Variants in DSCAM observed in about 807,000 individuals in gnomAD.
The protein encoded by DSCAM is cell adhesion molecule DSCAM.
Under a neutral mutation model 217.7 loss-of-function variants are expected in DSCAM, and 47 were observed. The ratio of observed to expected loss-of-function variants is 0.22; its 90% CI spans 0.17 to 0.28. The LOEUF (loss-of-function observed/expected upper bound fraction) is 0.28, where lower values mean the gene tolerates loss of function less well. Among genes scored for constraint, DSCAM ranks in the 10% least tolerant of loss-of-function variants. The pLI, the probability that DSCAM is intolerant of heterozygous loss-of-function variation, is 1.00. For missense variants in DSCAM, 2,080 were observed against 2,618.3 expected (o/e 0.79, Z 4.49); for synonymous variants, 1,056 against 1,015.3 (o/e 1.04, Z -0.76).
intron 1 of DSCAM, among the ~76,000 whole-genome samples, chr21:40,840,394 A>C (rs1026261551): frequency 1.2e-4 from 18 of 152,092 alleles, no homozygotes. Context: ...GTGGGCGGGG[A>C]ACCTAAATGT....
intron 10 of DSCAM, among the ~76,000 whole-genome samples, chr21:40,291,648 G>A (rs181034635): frequency 6.6e-5 from 10 of 152,210 alleles, no homozygotes; most frequent in African/African-American, 1.7e-4. Context: ...GGTCTCCCTC[G>A]GAGGACAGGA....
intron 1 of DSCAM, among the ~76,000 whole-genome samples, chr21:40,731,728 ACC>A (rs148482159): frequency 0.032 from 2,547 of 79,556 alleles, 17 homozygotes; most frequent in African/African-American, 0.088. Flanking sequence ...TTCCCACTGC[ACC>A]CCCCCCCCCG....
intron 3 of DSCAM, among the ~76,000 whole-genome samples, chr21:40,470,571 A>G (rs2075880185): frequency 6.6e-6 from 1 of 152,194 alleles, no homozygotes; most frequent in Non-Finnish European, 1.5e-5. Flanking sequence ...TAGGTTTTTG[A>G]GACAAAGTCT....
At chr21:40,575,247 G>A (rs2076840195) in intron 3 of DSCAM, among the ~76,000 whole-genome samples, 1 of 145,070 alleles carries the variant, frequency 6.9e-6, no homozygotes, top group South Asian at 2.2e-4. Context: ...ACCCCCCTTT[G>A]ACTGTAATTT....
At chr21:40,736,904 T>C (rs1008608259) in intron 1 of DSCAM, among the ~76,000 whole-genome samples, 1 of 152,206 alleles carries the variant, frequency 6.6e-6, no homozygotes, top group Non-Finnish European at 1.5e-5. Context: ...GAAGATAGTT[T>C]ATTGTGGAAC....
chr21:40,526,347 G>A (rs2076400513), intron 3 of DSCAM, among the ~76,000 whole-genome samples: 1 of 152,150 alleles, frequency 6.6e-6, no homozygotes. Context: ...TTACCACAAG[G>A]CCAAGCCTTT....
Position 40,529,010 on chromosome 21 carries a change from TCTC to T in DSCAM, c.509-159768_509-159766del, listed in dbSNP as rs559929730. 8.1e-3 allele frequency among the ~76,000 whole-genome samples: 1,227 copies of T among 150,822 alleles called. 6 individuals are homozygous for T. Among genetic ancestry groups the T allele is most frequent in the Non-Finnish European group, 0.013 (851 of 67,806 alleles). ...CCTCTGCCTCCTGGGTTCAATCAATTCTCCTGCCTCAGCCTCCTGAGTAGCTGG... is the reference window on the plus strand; with the variant it reads ...CCTCTGCCTCCTGGGTTCAATCAATTCTGCCTCAGCCTCCTGAGTAGCTGG... On this transcript the variant is annotated intron_variant, in intron 3 of 32. Transcript: ENST00000400454.
Position 40,312,093 on chromosome 21 carries a change from A to G in DSCAM, c.2050T>C (p.Leu684=). ...ATCCTTTGCTCACCTCTGACAATCAACTGGCTTTGGTGCTCCACAGCGGCG... is the reference window on the plus strand; with the variant it reads ...ATCCTTTGCTCACCTCTGACAATCAGCTGGCTTTGGTGCTCCACAGCGGCG... ...EAAAVEHQSQ[L]IVRVPPKFVV... is the part of the protein sequence containing the mutation. The change falls in exon 9 of 33, where the codon TTG becomes CTG. Residue 684 remains leucine, a synonymous_variant. Transcript: ENST00000400454. 1.9e-6 allele frequency: 3 copies of G among 1,613,768 alleles called. No homozygotes were observed. The highest frequency in any genetic ancestry group is 2.5e-6 in the Non-Finnish European group (3 of 1,179,714).
intron 32 of DSCAM, among the ~76,000 whole-genome samples, chr21:40,020,781 G>A (rs1467756963): frequency 6.6e-6 from 1 of 152,152 alleles, no homozygotes; most frequent in Non-Finnish European, 1.5e-5. Flanking sequence ...TCCAGCCCAG[G>A]CCCAGCATGA....
At chr21:40,172,427 C>A (rs1009879700) in intron 15 of DSCAM, among the ~76,000 whole-genome samples, 1 of 152,224 alleles carries the variant, frequency 6.6e-6, no homozygotes, top group African/African-American at 2.4e-5. Context: ...GCTGAAAACA[C>A]AGGGATGACA....
intron 11 of DSCAM, among the ~76,000 whole-genome samples, chr21:40,217,043 A>C (rs1252662316): frequency 6.6e-6 from 1 of 152,190 alleles, no homozygotes; most frequent in Non-Finnish European, 1.5e-5. Flanking sequence ...TCAAACTCTA[A>C]AACACAACCT....
intron 8 of DSCAM, among the ~76,000 whole-genome samples, chr21:40,315,712 A>C (rs1292253531): frequency 6.6e-6 from 1 of 152,232 alleles, no homozygotes; most frequent in Admixed American, 6.5e-5. Context: ...CAAAGCACTG[A>C]AAAACCAGTG....
chr21:40,709,752 G>C (rs188007448), intron 1 of DSCAM, among the ~76,000 whole-genome samples: 1 of 152,256 alleles, frequency 6.6e-6, no homozygotes, highest in Admixed American at 6.5e-5. Context: ...ATGGGCATTT[G>C]GGTTGGTTCC....
chr21:40,817,216 C>T (rs1405407998), intron 1 of DSCAM, among the ~76,000 whole-genome samples: 4 of 152,104 alleles, frequency 2.6e-5, no homozygotes, highest in Non-Finnish European at 4.4e-5. Flanking sequence ...CTTCCACACC[C>T]ACACTTTTCC....
chr21:40,468,308 T>C (rs1258823770), intron 3 of DSCAM, among the ~76,000 whole-genome samples: 4 of 152,166 alleles, frequency 2.6e-5, no homozygotes, highest in Non-Finnish European at 5.9e-5. Context: ...ACCTCCTCAA[T>C]CGATTGAGAC....
intron 11 of DSCAM, among the ~76,000 whole-genome samples, chr21:40,235,240 G>A (rs1210358456): frequency 1.3e-5 from 2 of 152,126 alleles, no homozygotes; most frequent in African/African-American, 2.4e-5. Flanking sequence ...ACAAAGATGA[G>A]ACTCAAAACA....
At chr21:40,087,141 C>T (rs2089543762) in intron 22 of DSCAM, 29 bp downstream of exon 22, 3 of 1,482,806 alleles carry the variant, frequency 2.0e-6, no homozygotes, top group Middle Eastern at 1.7e-4. Context: ...TAGAGTCTCA[C>T]TGAAGGCATA....
At chr21:40,354,363 A>T (rs916242665) in intron 4 of DSCAM, among the ~76,000 whole-genome samples, 10 of 152,046 alleles carry the variant, frequency 6.6e-5, no homozygotes, top group Non-Finnish European at 1.2e-4. Context: ...AATATCATAA[A>T]ATTAATAAAA....
intron 3 of DSCAM, among the ~76,000 whole-genome samples, chr21:40,487,314 TGTGTGTGTGTGTGAGAGAGA>T (rs1346199084): frequency 5.2e-5 from 6 of 116,288 alleles, no homozygotes; most frequent in Non-Finnish European, 1.0e-4. Flanking sequence ...CGTGTGTGTG[TGTGTGTGTGTGTGAGAGAGA>T]GAGAGAGAGA....
Sources: gnomAD v4.1 joint callset for allele counts (sites outside exome capture counted in the v4.1 genomes callset) on GRCh38, gnomAD v4.1.1 for gene constraint, MANE v1.5 for transcripts, NCBI Gene and HGNC (gene_info 2026-07-23, HGNC 2026-07-21) for gene names.